The following PARVA variants were observed in gnomAD, a reference collection of about 807,000 sequenced individuals.
PARVA encodes the protein parvin alpha, also known as alpha-parvin.
In PARVA, 25 loss-of-function variants were observed where a neutral mutation model predicts 52.6. The ratio of observed to expected loss-of-function variants is 0.48; its 90% CI spans 0.35 to 0.66. The LOEUF is 0.66. PARVA is among the 30% of genes least tolerant of loss of function. The pLI is 0.01. For synonymous variants in PARVA, 185 were observed against 179.1 expected, an observed-to-expected ratio of 1.03 and a Z score of -0.26; for missense variants, 373 against 450.9, an observed-to-expected ratio of 0.83 and a Z score of 1.56.
At chr11:12,461,605 G>A (rs933440953) in intron 1 of PARVA, among the ~76,000 whole-genome samples, 1 of 152,194 alleles carries the variant, frequency 6.6e-6, no homozygotes, top group Non-Finnish European at 1.5e-5. Context: ...AACTCAAATT[G>A]TTTCGACTGC....
intron 1 of PARVA, among the ~76,000 whole-genome samples, chr11:12,466,727 T>TC (rs1940858914): frequency 6.6e-6 from 1 of 152,084 alleles, no homozygotes; most frequent in Non-Finnish European, 1.5e-5. Context: ...GTTTTTTTTT[T>TC]CTAGAAGTTT....
At chr11:12,464,008 C>G (rs1475004403) in intron 1 of PARVA, among the ~76,000 whole-genome samples, 2 of 129,376 alleles carry the variant, frequency 1.5e-5, no homozygotes, top group African/African-American at 5.9e-5. Flanking sequence ...GTACTTCCTT[C>G]CTTTCTGGCT....
intron 1 of PARVA, among the ~76,000 whole-genome samples, chr11:12,457,273 AT>A (rs1449214234): frequency 6.6e-6 from 1 of 152,098 alleles, no homozygotes; most frequent in Non-Finnish European, 1.5e-5. Flanking sequence ...CTCTGTACAG[AT>A]TTGCTGTCAA....
At chr11:12,484,197 A>G (rs1941127305) in intron 4 of PARVA, among the ~76,000 whole-genome samples, 1 of 152,236 alleles carries the variant, frequency 6.6e-6, no homozygotes, top group Non-Finnish European at 1.5e-5. Context: ...GAAGATGCCT[A>G]TACAACATAA....
At position 12,463,066 on chromosome 11, in the gene PARVA, CA is replaced by C. The variant is rs34743332; in HGVS notation, c.137-10668del. Among the ~76,000 whole-genome samples, 52 of 147,214 alleles carry C rather than the reference CA, an allele frequency of 3.5e-4. No homozygotes were observed. In the East Asian group the frequency reaches 4.0e-3, roughly 11 times the overall value. ...ATTTTTAGGATAGTTTTAGATCTAC[CA>C]AAAAAAAAAATTGCAAAGGGAGTAC... On this transcript the variant is annotated intron_variant, in intron 1 of 12. Transcript: ENST00000334956.
At chr11:12,377,466 G>A, upstream of PARVA, 1 of 1,407,094 alleles carries the variant, frequency 7.1e-7, no homozygotes, top group Non-Finnish European at 9.2e-7. Flanking sequence ...GCAGAGGGCG[G>A]CGCGAGGGAG....
chr11:12,400,884 ATACT>A (rs1264415276), intron 1 of PARVA, among the ~76,000 whole-genome samples: 1 of 152,188 alleles, frequency 6.6e-6, no homozygotes, highest in Non-Finnish European at 1.5e-5. Flanking sequence ...GATCTGTGCT[ATACT>A]AGCAGTGTGG....
At chr11:12,508,704 C>T in intron 7 of PARVA, 62 bp downstream of exon 7, 3 of 1,220,858 alleles carry the variant, frequency 2.5e-6, no homozygotes, top group Non-Finnish European at 3.6e-6. Flanking sequence ...CTCTGAAATT[C>T]ATCCATTTGC....
intron 3 of PARVA, among the ~76,000 whole-genome samples, chr11:12,476,275 G>T (rs565947849): frequency 3.9e-5 from 6 of 152,230 alleles, no homozygotes; most frequent in Middle Eastern, 6.8e-3. Context: ...CGATTTTCTA[G>T]ATCTAGGCTG....
rs368993521 is a variant in PARVA, at chr11:12,473,773, C to T, written c.165C>T (p.Asn55=). 57 of 1,568,578 alleles carry T rather than the reference C, an allele frequency of 3.6e-5. No homozygotes were observed. Among genetic ancestry groups the T allele is most frequent in the Middle Eastern group, 3.3e-4 (2 of 6,032 alleles). Residue 55 remains asparagine, a synonymous_variant, in exon 2 of 13, where the codon AAC becomes AAT. Coordinates refer to ENST00000334956, the MANE Select transcript of PARVA (RefSeq NM_018222.5). ...EVSELQEEGM[N]AINLPLSPIP... is the part of the protein sequence containing the mutation. ...CCGAGCTGCAGGAGGAGGGAATGAACGCCATCAACCTGCCCCTCAGCCCAA... is the reference window on the plus strand; with the variant it reads ...CCGAGCTGCAGGAGGAGGGAATGAATGCCATCAACCTGCCCCTCAGCCCAA...
chr11:12,462,146 A>G (rs1460504175), intron 1 of PARVA, among the ~76,000 whole-genome samples: 1 of 152,232 alleles, frequency 6.6e-6, no homozygotes, highest in African/African-American at 2.4e-5. Flanking sequence ...TATTAAGAAC[A>G]GAACTTGTTC....
chr11:12,471,381 T>C (rs1589970216), intron 1 of PARVA, among the ~76,000 whole-genome samples: 2 of 152,138 alleles, frequency 1.3e-5, no homozygotes, highest in African/African-American at 4.8e-5. Context: ...AAAATTTTAT[T>C]TTTTAACTTT....
intron 1 of PARVA, among the ~76,000 whole-genome samples, chr11:12,449,247 C>T (rs549983297): frequency 6.5e-4 from 99 of 152,124 alleles, no homozygotes; most frequent in Admixed American, 2.0e-3. Context: ...TCTGCCTCTC[C>T]GGCTCAAGTG....
chr11:12,416,780 AGAG>A (rs1406137990), intron 1 of PARVA, among the ~76,000 whole-genome samples: 3 of 147,646 alleles, frequency 2.0e-5, no homozygotes, highest in Non-Finnish European at 3.0e-5. Flanking sequence ...AAAGAAGGGA[AGAG>A]GAGGGAGGGA....
chr11:12,382,698 G>C (rs766006200), intron 1 of PARVA, among the ~76,000 whole-genome samples: 3 of 152,158 alleles, frequency 2.0e-5, no homozygotes, highest in Admixed American at 6.5e-5. Context: ...AGGGTTAAAA[G>C]CATGGTCTTT....
At chr11:12,462,063 G>T (rs1447414223) in intron 1 of PARVA, among the ~76,000 whole-genome samples, 2 of 152,134 alleles carry the variant, frequency 1.3e-5, no homozygotes, top group Admixed American at 1.3e-4. Context: ...CTGGGTTGGG[G>T]GGTGCAGATT....
Position 12,534,033 on chromosome 11 carries a change from T to C in PARVA, c.*6108T>C, listed in dbSNP as rs907981524. 6.6e-6 allele frequency among the ~76,000 whole-genome samples: 1 copy of C among 151,974 alleles called. No individual in the cohort carries two copies. Among genetic ancestry groups the C allele is most frequent in the African/African-American group, 2.4e-5 (1 of 41,338 alleles). ...AATACAAAAAATTAGCCAGGTGTGG[T>C]GGTGCGTGCCTGTAATCCCAGCTAC... On this transcript the variant is annotated 3_prime_UTR_variant, in exon 13 of 13. Transcript: ENST00000334956.
chr11:12,446,213 T>C (rs566041090), intron 1 of PARVA, among the ~76,000 whole-genome samples: 6 of 152,326 alleles, frequency 3.9e-5, no homozygotes, highest in Middle Eastern at 3.4e-3. Context: ...CAAGACTTCA[T>C]TGGACAGATG....
chr11:12,507,488 CCT>C (rs1235097809), intron 6 of PARVA, among the ~76,000 whole-genome samples: 1 of 152,194 alleles, frequency 6.6e-6, no homozygotes, highest in Admixed American at 6.5e-5. Context: ...AGAGCTGCCC[CCT>C]GACTGATGGC....
Sources: gnomAD v4.1 joint callset for allele counts (sites outside exome capture counted in the v4.1 genomes callset) on GRCh38, gnomAD v4.1.1 for gene constraint, MANE v1.5 for transcripts, NCBI Gene and HGNC (gene_info 2026-07-23, HGNC 2026-07-21) for gene names.